UBE3D: variants seen among roughly 807,000 people sequenced by gnomAD.
UBE3D encodes the protein E3 ubiquitin-protein ligase E3D.
A neutral mutation model predicts 49.6 loss-of-function variants in UBE3D; 48 were observed. The ratio of observed to expected loss-of-function variants is 0.97; its 90% CI spans 0.77 to 1.23. The LOEUF (loss-of-function observed/expected upper bound fraction) is 1.23. Ranked by LOEUF, UBE3D falls within the 50% of genes most tolerant of loss-of-function variation. UBE3D has a pLI of 0.00. For missense variants in UBE3D, 452 were observed against 468.4 expected (o/e 0.96, Z 0.32); for synonymous variants, 189 against 174.2 (o/e 1.08, Z -0.67).
At chr6:82,897,643 T>C (rs1771427342) in intron 9 of UBE3D, among the ~76,000 whole-genome samples, 1 of 152,066 alleles carries the variant, frequency 6.6e-6, no homozygotes, top group Admixed American at 6.6e-5. Context: ...GTTTCCAAGA[T>C]CCAAATTTCC....
intron 9 of UBE3D, among the ~76,000 whole-genome samples, chr6:82,907,314 A>G (rs538795831): frequency 1.3e-5 from 2 of 152,222 alleles, no homozygotes; most frequent in Admixed American, 1.3e-4. Flanking sequence ...GCTAATTAGG[A>G]GGAGTATTTC....
intron 9 of UBE3D, among the ~76,000 whole-genome samples, chr6:82,932,446 C>T (rs1403528606): frequency 6.6e-6 from 1 of 152,094 alleles, no homozygotes; most frequent in African/African-American, 2.4e-5. Flanking sequence ...AAAATCCCTT[C>T]CTTATACTCC....
chr6:82,882,195 G>C, the UBE3D span, among the ~76,000 whole-genome samples: 1 of 152,158 alleles, frequency 6.6e-6, no homozygotes, highest in Admixed American at 6.6e-5. Flanking sequence ...ATTAAAAAAG[G>C]CTTGACTGGC....
chr6:82,901,676 A>G (rs1739106788), intron 9 of UBE3D, among the ~76,000 whole-genome samples: 1 of 152,182 alleles, frequency 6.6e-6, no homozygotes, highest in South Asian at 2.1e-4. Flanking sequence ...CAGTGTCTTC[A>G]TTTCTAGACC....
chr6:82,909,053 G>C (rs1381365172), intron 9 of UBE3D, among the ~76,000 whole-genome samples: 1 of 152,172 alleles, frequency 6.6e-6, no homozygotes, highest in African/African-American at 2.4e-5. Flanking sequence ...AGGGAGTGTG[G>C]CAAGTGTGCA....
the UBE3D span, among the ~76,000 whole-genome samples, chr6:82,881,186 G>A: frequency 9.2e-5 from 14 of 152,180 alleles, no homozygotes; most frequent in Non-Finnish European, 1.9e-4. Context: ...CATGTATGAG[G>A]GAGCTATGAA....
intron 8 of UBE3D, among the ~76,000 whole-genome samples, chr6:82,971,310 G>A (rs1777336405): frequency 6.6e-6 from 1 of 151,884 alleles, no homozygotes; most frequent in African/African-American, 2.4e-5. Context: ...AAACTTAGGA[G>A]GCTGAGAAAC....
chr6:83,002,971 TG>T (rs1562172905), intron 8 of UBE3D, among the ~76,000 whole-genome samples: 1 of 152,224 alleles, frequency 6.6e-6, no homozygotes, highest in South Asian at 2.1e-4. Flanking sequence ...GAATAAATTC[TG>T]GGGGTGTATT....
At chr6:83,030,537 T>C (rs982147756) in intron 5 of UBE3D, among the ~76,000 whole-genome samples, 2 of 152,222 alleles carry the variant, frequency 1.3e-5, no homozygotes, top group Non-Finnish European at 2.9e-5. Context: ...TCTTTTTCTT[T>C]ATAAATTACC....
chr6:83,030,849 G>A (rs1435174692), intron 5 of UBE3D, among the ~76,000 whole-genome samples: 1 of 152,152 alleles, frequency 6.6e-6, no homozygotes, highest in Non-Finnish European at 1.5e-5. Flanking sequence ...AGTCCAGGGT[G>A]AGGTGGTCTC....
chr6:83,054,265 T>G (rs202029627), intron 2 of UBE3D, 27 bp from the exon 3 acceptor site: 1 of 1,551,208 alleles, frequency 6.4e-7, no homozygotes, highest in Non-Finnish European at 8.9e-7. Flanking sequence ...AAATAGCTAA[T>G]CTTAGAGATT....
chr6:83,045,692 A>G (rs945071306), intron 3 of UBE3D, among the ~76,000 whole-genome samples: 1 of 152,176 alleles, frequency 6.6e-6, no homozygotes, highest in African/African-American at 2.4e-5. Flanking sequence ...AAAACTTACA[A>G]AGGTAGTGTA....
At chr6:82,993,909 G>T (rs930010277) in intron 8 of UBE3D, among the ~76,000 whole-genome samples, 7 of 152,148 alleles carry the variant, frequency 4.6e-5, no homozygotes, top group Admixed American at 4.6e-4. Flanking sequence ...GCTACACATT[G>T]TATGTTTGCC....
intron 5 of UBE3D, among the ~76,000 whole-genome samples, chr6:83,034,713 C>T (rs949864537): frequency 6.6e-6 from 1 of 152,104 alleles, no homozygotes; most frequent in Non-Finnish European, 1.5e-5. Flanking sequence ...TTGCCTTCTG[C>T]CATGACTGTA....
chr6:82,959,975 C>G (rs776902994), intron 8 of UBE3D, among the ~76,000 whole-genome samples: 12 of 152,054 alleles, frequency 7.9e-5, no homozygotes, highest in African/African-American at 2.7e-4. Flanking sequence ...CTTGCAGTCC[C>G]GGGAAGAAAA....
chr6:82,988,811 G>A (rs1310434214), intron 8 of UBE3D, among the ~76,000 whole-genome samples: 1 of 150,638 alleles, frequency 6.6e-6, no homozygotes, highest in Non-Finnish European at 1.5e-5. Context: ...TGAACCTAAG[G>A]TACAAAGTAA....
intron 8 of UBE3D, among the ~76,000 whole-genome samples, chr6:82,973,054 C>T (rs1032772302): frequency 2.6e-5 from 4 of 152,072 alleles, no homozygotes; most frequent in Admixed American, 1.3e-4. Context: ...ATTCAGGAAT[C>T]CCCAAAGTTG....
At chr6:82,991,463 G>A (rs1414990708) in intron 8 of UBE3D, among the ~76,000 whole-genome samples, 1 of 152,118 alleles carries the variant, frequency 6.6e-6, no homozygotes. Context: ...TTAGGTAGGG[G>A]TCAAGTAGTT....
At chr6:82,997,022 G>A (rs1779290828) in intron 8 of UBE3D, among the ~76,000 whole-genome samples, 1 of 152,024 alleles carries the variant, frequency 6.6e-6, no homozygotes, top group East Asian at 1.9e-4. Context: ...TACATTAGGG[G>A]AAACTGAAAA....
Sources: gnomAD v4.1 joint callset for allele counts (sites outside exome capture counted in the v4.1 genomes callset) on GRCh38, gnomAD v4.1.1 for gene constraint, MANE v1.5 for transcripts, NCBI Gene and HGNC (gene_info 2026-07-23, HGNC 2026-07-21) for gene names.